The following CEMIP variants were observed in gnomAD, a reference collection of about 807,000 sequenced individuals.
The protein encoded by CEMIP is cell migration inducing hyaluronidase 1, also known as cell migration-inducing and hyaluronan-binding protein.
Under a neutral mutation model 156.9 loss-of-function variants are expected in CEMIP, and 105 were observed. That is an observed-to-expected ratio of 0.67 (90% confidence interval 0.57 to 0.79). The LOEUF is 0.79. CEMIP is among the 30% of genes least tolerant of loss of function. CEMIP has a pLI of 0.00. For missense variants in CEMIP, 1,457 were observed against 1,769.4 expected (o/e 0.82, Z 3.17); for synonymous variants, 676 against 668.4 (o/e 1.01, Z -0.17).
chr15:80,887,873 C>A, intron 8 of CEMIP, 109 bp downstream of exon 8: 1 of 931,328 alleles, frequency 1.1e-6, no homozygotes, highest in Non-Finnish European at 1.7e-6. Flanking sequence ...TTCCCAGCTC[C>A]CAATGTCTAG....
chr15:80,863,783 A>G (rs921017079), intron 1 of CEMIP, among the ~76,000 whole-genome samples: 6 of 152,144 alleles, frequency 3.9e-5, no homozygotes, highest in Non-Finnish European at 8.8e-5. Flanking sequence ...TATGTGCTGC[A>G]TTTCCATCAC....
In CEMIP at chr15:80,913,349, A is replaced by G. The variant is rs555734345; in HGVS notation, c.1797+4043A>G. Reference sequence around the variant, plus strand: ...CTCTGAGCCTTGGTGATGGTTCTCAACAATGTCATTCAAAATGTCACCACC... The same window carrying G: ...CTCTGAGCCTTGGTGATGGTTCTCAGCAATGTCATTCAAAATGTCACCACC... On this transcript the variant is annotated intron_variant, in intron 14 of 29. Transcript: ENST00000394685. Among the ~76,000 whole-genome samples the G allele has an allele frequency of 2.8e-4, 42 of 152,312 alleles. No individual in the cohort carries two copies. In the South Asian group the frequency reaches 4.6e-3, roughly 17 times the overall value.
At chr15:80,795,090 G>A (rs1459151418) in intron 1 of CEMIP, among the ~76,000 whole-genome samples, 3 of 151,948 alleles carry the variant, frequency 2.0e-5, no homozygotes, top group Admixed American at 6.6e-5. Context: ...AAAGTGAGGT[G>A]AGGAGCAAGG....
chr15:80,852,701 C>T (rs1320698467), intron 1 of CEMIP, among the ~76,000 whole-genome samples: 1 of 152,136 alleles, frequency 6.6e-6, no homozygotes, highest in Non-Finnish European at 1.5e-5. Context: ...TCACCCCCTC[C>T]CTTTTCCTCT....
At chr15:80,840,737 G>A (rs902697609) in intron 1 of CEMIP, among the ~76,000 whole-genome samples, 2 of 152,226 alleles carry the variant, frequency 1.3e-5, no homozygotes, top group African/African-American at 2.4e-5. Context: ...ACCAGCCTGG[G>A]GTGCAGGGAC....
chr15:80,947,195 T>G (rs1426395452), intron 29 of CEMIP, 130 bp downstream of exon 29: 10 of 663,344 alleles, frequency 1.5e-5, no homozygotes, highest in Admixed American at 9.0e-5. Flanking sequence ...AACCTAAGAA[T>G]CCCCCACACA....
In CEMIP at chr15:80,932,030, G is replaced by A. The variant is rs201947249; in HGVS notation, c.2784G>A (p.Glu928=). 104 of 1,613,576 alleles carry A rather than the reference G, an allele frequency of 6.4e-5. No individual in the cohort carries two copies. In the African/African-American group the frequency reaches 1.1e-3, roughly 18 times the overall value. ...PHNNVTGIAF[E]DVPITSRVFF... ...ACAACGTGACCGGCATTGCCTTTGA[G>A]GACGTTCCGGTGAGTGAGGCGCCAG... The change falls in exon 22 of 30, where the codon GAG becomes GAA. Residue 928 remains glutamate, a synonymous_variant. Coordinates refer to ENST00000394685, the MANE Select transcript of CEMIP (RefSeq NM_001293298.2). This position sits in a 1 kb window ranked among gnomAD's most constrained non-coding sequence, Gnocchi z 4.5.
chr15:80,822,860 C>T (rs1266104627), intron 1 of CEMIP, among the ~76,000 whole-genome samples: 1 of 152,206 alleles, frequency 6.6e-6, no homozygotes, highest in East Asian at 1.9e-4. Flanking sequence ...TGCTGCCACA[C>T]AGGACACCTC....
At chr15:80,780,055 C>T (rs1895750570) in intron 1 of CEMIP, among the ~76,000 whole-genome samples, 2 of 152,122 alleles carry the variant, frequency 1.3e-5, no homozygotes, top group South Asian at 4.1e-4. Flanking sequence ...TCACGCCGAG[C>T]TCTAGCGGGC....
intron 1 of CEMIP, among the ~76,000 whole-genome samples, chr15:80,856,690 A>G (rs2141753858): frequency 6.6e-6 from 1 of 152,298 alleles, no homozygotes; most frequent in Admixed American, 6.5e-5. Context: ...AAGCACTAAA[A>G]TATGCATTTT....
intron 13 of CEMIP, among the ~76,000 whole-genome samples, chr15:80,907,360 C>A (rs542265209): frequency 6.6e-6 from 1 of 152,284 alleles, no homozygotes; most frequent in Admixed American, 6.5e-5. Context: ...GTCAGGAATT[C>A]GAGACCAGCC....
intron 1 of CEMIP, among the ~76,000 whole-genome samples, chr15:80,838,428 A>G (rs985159832): frequency 5.9e-5 from 9 of 152,040 alleles, no homozygotes; most frequent in African/African-American, 2.2e-4. Flanking sequence ...AAATCTGCCT[A>G]GTGGTTCTGA....
chr15:80,786,056 A>C (rs1895929270), intron 1 of CEMIP, among the ~76,000 whole-genome samples: 1 of 152,172 alleles, frequency 6.6e-6, no homozygotes, highest in Admixed American at 6.5e-5. Context: ...CTAGATAAGA[A>C]GTGGCTGTGG....
At position 80,942,017 on chromosome 15, in the gene CEMIP, C is replaced by T. The variant is rs138155724; in HGVS notation, c.3576C>T (p.Asp1192=). 31 of 1,613,648 alleles carry T rather than the reference C, an allele frequency of 1.9e-5. No individual in the cohort carries two copies. The highest frequency in any genetic ancestry group is 1.1e-4 in the South Asian group (10 of 91,028). ...YPKFTERAVV[D]VPMPKKLFGS... ...AGTTCACCGAGAGGGCTGTCGTAGA[C>T]GTGCCGATGCCCAAGAAGCTCTTTG... Residue 1192 remains aspartate, a synonymous_variant, in exon 26 of 30, where the codon GAC becomes GAT. Coordinates refer to ENST00000394685, the MANE Select transcript of CEMIP (RefSeq NM_001293298.2).
chr15:80,827,235 GAA>G (rs1293927920), intron 1 of CEMIP, among the ~76,000 whole-genome samples: 1 of 152,188 alleles, frequency 6.6e-6, no homozygotes, highest in East Asian at 1.9e-4. Flanking sequence ...GAAAGGGAGA[GAA>G]AGAGAGAAAA....
At chr15:80,893,095 A>G (rs933299128) in intron 10 of CEMIP, among the ~76,000 whole-genome samples, 17 of 151,978 alleles carry the variant, frequency 1.1e-4, no homozygotes, top group Admixed American at 2.0e-4. Flanking sequence ...GCTGAGGCAG[A>G]AGAATCGCTT....
At chr15:80,794,641 T>C (rs959722403) in intron 1 of CEMIP, among the ~76,000 whole-genome samples, 7 of 152,150 alleles carry the variant, frequency 4.6e-5, no homozygotes, top group African/African-American at 1.7e-4. Context: ...ATTGTTTACA[T>C]TTTTTTATAC....
chr15:80,867,729 G>T (rs1198007786), intron 1 of CEMIP, among the ~76,000 whole-genome samples: 1 of 152,228 alleles, frequency 6.6e-6, no homozygotes, highest in Non-Finnish European at 1.5e-5. Context: ...ATCCAGAGGG[G>T]TGCTTGGATT....
At chr15:80,842,715 A>G (rs970147333) in intron 1 of CEMIP, among the ~76,000 whole-genome samples, 1 of 152,150 alleles carries the variant, frequency 6.6e-6, no homozygotes, top group East Asian at 1.9e-4. Flanking sequence ...CTGGGCAACA[A>G]GAGCGAGACT....
Sources: allele counts gnomAD v4.1 joint callset (sites outside exome capture counted in the v4.1 genomes callset), GRCh38; gene constraint gnomAD v4.1.1; non-coding constraint Gnocchi (gnomAD v3.1); transcripts MANE v1.5; gene names NCBI Gene and HGNC (gene_info 2026-07-23, HGNC 2026-07-21).